The following NEO1 variants were observed in gnomAD, a reference collection of about 807,000 sequenced individuals.
The protein encoded by NEO1 is neogenin.
In NEO1, 63 loss-of-function variants were observed where a neutral mutation model predicts 159.7. The observed-to-expected ratio is 0.39, with a 90% CI of 0.32 to 0.49. The LOEUF (loss-of-function observed/expected upper bound fraction) is 0.49, where lower values mean the gene tolerates loss of function less well. Among genes scored for constraint, NEO1 ranks in the 20% least tolerant of loss-of-function variants. The pLI is 0.85. For synonymous variants in NEO1, 633 were observed against 662.0 expected (o/e 0.96, Z 0.67); for missense variants, 1,615 against 1,831.0 (o/e 0.88, Z 2.15).
chr15:73,222,089 TA>T (rs2038314451), intron 7 of NEO1: 1 of 135,048 alleles, frequency 7.4e-6, no homozygotes, highest in African/African-American at 2.7e-5. Flanking sequence ...CCCCTGTTGG[TA>T]ATTTTTTTTT....
At chr15:73,217,451 T>C (rs2037962165) in intron 7 of NEO1, among the ~76,000 whole-genome samples, 1 of 151,678 alleles carries the variant, frequency 6.6e-6, no homozygotes, top group Middle Eastern at 3.4e-3. Context: ...AAGTAGTTTT[T>C]TCCAATTCTG....
Position 73,162,290 on chromosome 15 carries a change from C to T in NEO1, c.1016-14113C>T, listed in dbSNP as rs147524182. On this transcript the variant is annotated intron_variant, in intron 5 of 28. Transcript: ENST00000261908. ...CCTGAACCATACTTCAACCCAAAGG[C>T]CATGGGTGGTGTTATTTCAAAGACC... 407 of 213,924 alleles carry T rather than the reference C, an allele frequency of 1.9e-3. 4 individuals carry two copies. The highest frequency in any genetic ancestry group is 3.0e-3 in the Non-Finnish European group (299 of 101,346). The allele number at this position is 213,924 out of a possible 1,614,324, so 13.3% of individuals were successfully genotyped here. A position where few individuals can be genotyped will look rare whatever the true frequency, so the allele number is the denominator to read the frequency against.
rs201573366 is a variant in NEO1, at chr15:73,236,360, G to A, written c.1305G>A (p.Thr435=). 2.4e-5 allele frequency: 38 copies of A among 1,614,078 alleles called. No homozygotes were observed. In the East Asian group the frequency reaches 6.0e-4, roughly 26 times the overall value. ...LIILEHAPAT[T]GPLPSAPRDV... ...CTGACCATCTAGCACCAGCCACAAC[G>A]GGACCACTGCCTTCAGCTCCTCGGG... is the stretch of plus-strand genomic sequence containing the variant. Residue 435 remains threonine, a synonymous_variant, in exon 8 of 29, where the codon ACG becomes ACA. Coordinates refer to ENST00000261908, the MANE Select transcript of NEO1 (RefSeq NM_002499.4).
At chr15:73,256,575 CTG>C (rs1273663579) in intron 13 of NEO1, among the ~76,000 whole-genome samples, 6 of 152,144 alleles carry the variant, frequency 3.9e-5, no homozygotes, top group African/African-American at 1.4e-4. Context: ...TAGTGAAAAA[CTG>C]TGCTCTAGTA....
chr15:73,185,301 A>G (rs1003497443), intron 7 of NEO1, among the ~76,000 whole-genome samples: 6 of 152,228 alleles, frequency 3.9e-5, no homozygotes, highest in South Asian at 4.1e-4. Flanking sequence ...TGATGTCTCA[A>G]TACAGGTTAT....
intron 11 of NEO1, among the ~76,000 whole-genome samples, chr15:73,252,075 C>G (rs915521911): frequency 2.5e-4 from 38 of 152,152 alleles, no homozygotes; most frequent in African/African-American, 8.7e-4. Context: ...GGGTCCTACT[C>G]CAGACTACCT....
At chr15:73,186,840 T>G (rs1453978096) in intron 7 of NEO1, among the ~76,000 whole-genome samples, 1 of 152,136 alleles carries the variant, frequency 6.6e-6, no homozygotes, top group Non-Finnish European at 1.5e-5. Context: ...GCTTAATGGG[T>G]CAGTCTCTGT....
chr15:73,152,127 TTCATC>T (rs2033420437), intron 5 of NEO1, among the ~76,000 whole-genome samples: 3 of 152,202 alleles, frequency 2.0e-5, no homozygotes, highest in African/African-American at 7.2e-5. Flanking sequence ...TATATTGGTT[TTCATC>T]CCCAGTTCCT....
chr15:73,115,098 A>G (rs2071225161), intron 1 of NEO1, among the ~76,000 whole-genome samples: 1 of 151,962 alleles, frequency 6.6e-6, no homozygotes, highest in African/African-American at 2.4e-5. Flanking sequence ...GCTATAGTGC[A>G]ATGGTGTAAT....
chr15:73,228,744 G>T (rs1323622523), intron 7 of NEO1, among the ~76,000 whole-genome samples: 1 of 152,138 alleles, frequency 6.6e-6, no homozygotes, highest in East Asian at 1.9e-4. Flanking sequence ...TTAAGACTAT[G>T]AGATATTTTG....
At chr15:73,214,760 T>TG (rs1190235522) in intron 7 of NEO1, among the ~76,000 whole-genome samples, 2 of 152,170 alleles carry the variant, frequency 1.3e-5, no homozygotes, top group East Asian at 3.8e-4. Flanking sequence ...ATGTGGGCTT[T>TG]TTTGTTTGTT....
At chr15:73,122,446 A>T in intron 2 of NEO1, 79 bp from the exon 3 acceptor site, 1 of 1,370,802 alleles carries the variant, frequency 7.3e-7, no homozygotes, top group Non-Finnish European at 9.9e-7. Context: ...ATGTGAGCTG[A>T]CTTGCTCCTG....
At position 73,266,298 on chromosome 15, in the gene NEO1, G is replaced by A. The variant is rs2040891689; in HGVS notation, c.2399-18G>A. The stretch of plus-strand genomic sequence containing the variant: ...TCTGTAGTGAGCATTTTTTTAATGT[G>A]TGTTTCTTTTTTTTCAGATCCCAGC... On this transcript the variant is annotated intron_variant, in intron 15 of 28. Transcript: ENST00000261908. The A allele has an allele frequency of 6.3e-7, 1 of 1,587,320 alleles. No individual in the cohort carries two copies. Among genetic ancestry groups the A allele is most frequent in the East Asian group, 2.3e-5 (1 of 44,334 alleles).
At chr15:73,095,565 C>T (rs1024248951) in intron 1 of NEO1, among the ~76,000 whole-genome samples, 2 of 152,022 alleles carry the variant, frequency 1.3e-5, no homozygotes, top group Non-Finnish European at 2.9e-5. Flanking sequence ...CCACCAGGAA[C>T]AGTTTGATGG....
intron 1 of NEO1, among the ~76,000 whole-genome samples, chr15:73,101,445 T>C (rs2070396859): frequency 6.6e-6 from 1 of 152,200 alleles, no homozygotes; most frequent in African/African-American, 2.4e-5. Flanking sequence ...CCACTCTCTC[T>C]CTGCAGCTCT....
intron 7 of NEO1, among the ~76,000 whole-genome samples, chr15:73,229,543 T>A (rs1457847627): frequency 4.0e-5 from 6 of 151,832 alleles, no homozygotes; most frequent in African/African-American, 1.4e-4. Context: ...TCCTTTCCCA[T>A]CAGTATTTCC....
At position 73,279,220 on chromosome 15, in the gene NEO1, A is replaced by C. The variant is rs928670327; in HGVS notation, c.3262+1021A>C. Among the ~76,000 whole-genome samples, 4 of 152,074 alleles carry C rather than the reference A, an allele frequency of 2.6e-5. No homozygotes were observed. In the East Asian group the frequency reaches 7.7e-4, roughly 29 times the overall value. On this transcript the variant is annotated intron_variant, in intron 22 of 28. Transcript: ENST00000261908. ...TCTGTTTATGAGTTTCTTCTTCTCC[A>C]TGTGTATGTGACATTTATATTGTGT...
intron 5 of NEO1, among the ~76,000 whole-genome samples, chr15:73,144,324 A>G (rs2032696550): frequency 6.6e-6 from 1 of 152,190 alleles, no homozygotes; most frequent in Admixed American, 6.5e-5. Flanking sequence ...TAATATTAAA[A>G]AAAATAACTG....
In NEO1 at chr15:73,293,489, C is replaced by T. The variant is rs772246774; in HGVS notation, c.3842C>T (p.Pro1281Leu). The change falls in exon 26 of 29, where the codon CCG becomes CTG. Residue 1281 changes from proline (P) to leucine (L), a missense_variant. Physicochemically the swap from Pro to Leu is moderately conservative, Grantham distance 98. Around this residue, in one of 3 missense-constraint regions of NEO1, gnomAD observed 471 missense variants for 498.9 expected, o/e 0.94. Coordinates refer to ENST00000261908, the MANE Select transcript of NEO1 (RefSeq NM_002499.4). Reference protein sequence around the residue: ...ASPARSHLYHPGSPWPIGTSM... With the variant: ...ASPARSHLYHLGSPWPIGTSM... Reference sequence around the variant, plus strand: ...CCAGCTCGCAGTCATCTCTACCACCCGGGCAGCCCATGGCCCATTGGCACA... The same window carrying T: ...CCAGCTCGCAGTCATCTCTACCACCTGGGCAGCCCATGGCCCATTGGCACA... 1.1e-5 allele frequency: 18 copies of T among 1,614,068 alleles called. No homozygotes were observed. Among genetic ancestry groups the T allele is most frequent in the Admixed American group, 3.3e-5 (2 of 60,004 alleles).
Sources: allele counts gnomAD v4.1 joint callset (sites outside exome capture counted in the v4.1 genomes callset), GRCh38; gene constraint gnomAD v4.1.1; regional missense constraint gnomAD v4.1.1; transcripts MANE v1.5; gene names NCBI Gene and HGNC (gene_info 2026-07-23, HGNC 2026-07-21).